SLC10A7: variants seen among roughly 807,000 people sequenced by gnomAD.
SLC10A7 encodes the protein sodium/bile acid cotransporter 7.
In SLC10A7, 29 loss-of-function variants were observed where a neutral mutation model predicts 43.2. The observed-to-expected ratio is 0.67, with a 90% CI of 0.50 to 0.92. The LOEUF (loss-of-function observed/expected upper bound fraction) is 0.92. Ranked by LOEUF, SLC10A7 falls within the 40% of genes least tolerant of loss-of-function variation. The probability of loss-of-function intolerance (pLI) is 0.00; values close to 1 mark genes in which losing one functional copy is unlikely to be tolerated. For synonymous variants in SLC10A7, 152 were observed against 144.8 expected (o/e 1.05, Z -0.35); for missense variants, 295 against 403.2 (o/e 0.73, Z 2.30).
chr4:146,335,381 G>C (rs1298647365), intron 5 of SLC10A7, among the ~76,000 whole-genome samples: 1 of 151,730 alleles, frequency 6.6e-6, no homozygotes, highest in Non-Finnish European at 1.5e-5. Context: ...AGTCAAGCAG[G>C]TGATGCAGAT....
chr4:146,393,780 TC>T (rs1457647432), intron 5 of SLC10A7, among the ~76,000 whole-genome samples: 12 of 152,132 alleles, frequency 7.9e-5, no homozygotes, highest in African/African-American at 2.9e-4. Flanking sequence ...TCCATCAAAA[TC>T]CATAGTAAAT....
At chr4:146,395,059 A>G (rs940279787) in intron 5 of SLC10A7, among the ~76,000 whole-genome samples, 2 of 152,052 alleles carry the variant, frequency 1.3e-5, no homozygotes, top group African/African-American at 4.8e-5. Context: ...TCCTGCTATT[A>G]CATGCTTCTC....
At chr4:146,387,712 G>C (rs573695563) in intron 5 of SLC10A7, among the ~76,000 whole-genome samples, 1 of 152,230 alleles carries the variant, frequency 6.6e-6, no homozygotes, top group East Asian at 1.9e-4. Flanking sequence ...CCCTAGCTTT[G>C]ATAAATGATT....
intron 5 of SLC10A7, among the ~76,000 whole-genome samples, chr4:146,432,740 A>G (rs1026085472): frequency 6.6e-6 from 1 of 152,166 alleles, no homozygotes; most frequent in Non-Finnish European, 1.5e-5. Context: ...TTTTCTGTAT[A>G]GAAATTATAC....
intron 5 of SLC10A7, among the ~76,000 whole-genome samples, chr4:146,359,135 T>C (rs545368420): frequency 2.0e-5 from 3 of 152,312 alleles, no homozygotes; most frequent in Non-Finnish European, 4.4e-5. Context: ...CTTATGGTGT[T>C]GAGCCCCTTT....
Position 146,261,380 on chromosome 4 carries a change from C to T in SLC10A7, c.848-2543G>A, listed in dbSNP as rs546390984. Among the ~76,000 whole-genome samples the T allele has an allele frequency of 4.6e-5, 7 of 152,326 alleles. No individual in the cohort carries two copies. In the South Asian group the frequency reaches 1.4e-3, roughly 32 times the overall value. ...TGAGAACCTGCTCTGCTGCCTCTCT[C>T]CAAGCTTCTAGGTTCTGAAAATTCT... On this transcript the variant is annotated intron_variant, in intron 10 of 11. Transcript: ENST00000335472.
chr4:146,256,777 G>T, intron 11 of SLC10A7: 2 of 1,372,268 alleles, frequency 1.5e-6, no homozygotes, highest in Non-Finnish European at 2.0e-6. Context: ...TGGTAGCCTT[G>T]GGTCTCAATC....
intron 4 of SLC10A7, among the ~76,000 whole-genome samples, chr4:146,481,068 C>A (rs1444512836): frequency 6.6e-6 from 1 of 152,122 alleles, no homozygotes; most frequent in East Asian, 1.9e-4. Context: ...AGGACTCCAA[C>A]CCTCCAGCAC....
intron 6 of SLC10A7, 71 bp from the exon 7 acceptor site, chr4:146,306,080 G>A: frequency 1.6e-6 from 2 of 1,215,232 alleles, no homozygotes; most frequent in Non-Finnish European, 2.2e-6. Context: ...TATAAATAAT[G>A]CAATAAATAG....
intron 5 of SLC10A7, among the ~76,000 whole-genome samples, chr4:146,423,968 C>G (rs1729135272): frequency 6.6e-6 from 1 of 152,156 alleles, no homozygotes; most frequent in African/African-American, 2.4e-5. Context: ...ACCTATCTTA[C>G]AAAAAACAAT....
chr4:146,492,490 C>T (rs919267290), intron 4 of SLC10A7, among the ~76,000 whole-genome samples: 1 of 152,100 alleles, frequency 6.6e-6, no homozygotes, highest in East Asian at 1.9e-4. Flanking sequence ...ACTTCAAGCT[C>T]CCAAGGAGCT....
chr4:146,404,522 T>C (rs1739446983), intron 5 of SLC10A7, among the ~76,000 whole-genome samples: 1 of 141,810 alleles, frequency 7.1e-6, no homozygotes, highest in African/African-American at 2.7e-5. Flanking sequence ...GTGTGACTGG[T>C]TTAAGATCTT....
intron 5 of SLC10A7, among the ~76,000 whole-genome samples, chr4:146,350,392 A>G (rs374329679): frequency 0.018 from 1,576 of 85,714 alleles, 29 homozygotes; most frequent in African/African-American, 0.066. Flanking sequence ...CGCCCACGGA[A>G]TCTCGCTGAT....
chr4:146,267,204 T>A (rs1728613931), intron 10 of SLC10A7, among the ~76,000 whole-genome samples: 1 of 152,198 alleles, frequency 6.6e-6, no homozygotes, highest in African/African-American at 2.4e-5. Flanking sequence ...TCTCTCCCTT[T>A]TAGAGGGTGT....
intron 5 of SLC10A7, among the ~76,000 whole-genome samples, chr4:146,398,576 T>G (rs528185125): frequency 3.3e-5 from 5 of 152,282 alleles, no homozygotes; most frequent in Admixed American, 2.0e-4. Context: ...TAATTTGACA[T>G]AATAAGAAAC....
intron 6 of SLC10A7, among the ~76,000 whole-genome samples, chr4:146,316,783 G>T (rs1048363195): frequency 2.0e-5 from 3 of 151,990 alleles, no homozygotes; most frequent in Non-Finnish European, 4.4e-5. Context: ...TAAGTCTTAG[G>T]ACTCAGCCCG....
At chr4:146,310,017 T>G (rs1731852085) in intron 6 of SLC10A7, among the ~76,000 whole-genome samples, 1 of 152,124 alleles carries the variant, frequency 6.6e-6, no homozygotes, top group Non-Finnish European at 1.5e-5. Context: ...TTGCCATCTT[T>G]ATGTCCCTGA....
At chr4:146,262,740 C>A (rs752310548) in intron 10 of SLC10A7, among the ~76,000 whole-genome samples, 11 of 152,224 alleles carry the variant, frequency 7.2e-5, no homozygotes, top group Non-Finnish European at 1.6e-4. Context: ...ACCTCCATCC[C>A]CCTCACCTTC....
intron 5 of SLC10A7, among the ~76,000 whole-genome samples, chr4:146,378,286 ATC>A (rs751068796): frequency 6.6e-5 from 10 of 152,038 alleles, no homozygotes; most frequent in African/African-American, 2.2e-4. Context: ...GAAAATTATA[ATC>A]TCTCTCTCTC....
Sources: gnomAD v4.1 joint callset for allele counts (sites outside exome capture counted in the v4.1 genomes callset) on GRCh38, gnomAD v4.1.1 for gene constraint, MANE v1.5 for transcripts, NCBI Gene and HGNC (gene_info 2026-07-23, HGNC 2026-07-21) for gene names.